Variants in GRID2 observed in about 807,000 individuals in gnomAD.
GRID2 encodes the protein glutamate ionotropic receptor delta type subunit 2, also known as glutamate receptor ionotropic, delta-2.
GRID2 carries 33 observed loss-of-function variants against 114.8 expected under a neutral mutation model. The observed-to-expected ratio is 0.29, with a 90% CI of 0.22 to 0.38. The LOEUF (loss-of-function observed/expected upper bound fraction) is 0.38, where lower values mean the gene tolerates loss of function less well. GRID2 is among the 10% of genes least tolerant of loss of function. The pLI is 1.00. For synonymous variants in GRID2, 505 were observed against 449.9 expected (o/e 1.12, Z -1.55); for missense variants, 1,184 against 1,257.7 (o/e 0.94, Z 0.89).
rs188856340 is a variant in GRID2, at chr4:93,488,925, T to G, written c.1859-1714T>G. ...TCTCACTATACCTTGATTACTTAGT[T>G]AAAGGTCCTATCTCCAAATAACAAT... On this transcript the variant is annotated intron_variant, in intron 11 of 15. Transcript: ENST00000282020. Among the ~76,000 whole-genome samples the G allele has an allele frequency of 2.6e-3, 392 of 152,058 alleles. 2 individuals carry two copies. The highest frequency in any genetic ancestry group is 4.3e-3 in the Non-Finnish European group (292 of 67,912).
intron 1 of GRID2, among the ~76,000 whole-genome samples, chr4:92,412,069 A>T (rs1731364379): frequency 6.6e-6 from 1 of 151,454 alleles, no homozygotes; most frequent in Admixed American, 6.6e-5. Flanking sequence ...TTTACTATAC[A>T]TTTTTATTTT....
intron 2 of GRID2, among the ~76,000 whole-genome samples, chr4:92,721,599 CTA>C (rs1202997208): frequency 6.6e-6 from 1 of 151,956 alleles, no homozygotes; most frequent in Non-Finnish European, 1.5e-5. Context: ...TCTAAATCAA[CTA>C]TATAAGGAGT....
chr4:93,176,912 T>C (rs1739394873), intron 4 of GRID2, among the ~76,000 whole-genome samples: 1 of 152,186 alleles, frequency 6.6e-6, no homozygotes, highest in Admixed American at 6.5e-5. Flanking sequence ...GAAATCCATG[T>C]GTATTTCCGG....
intron 2 of GRID2, among the ~76,000 whole-genome samples, chr4:92,943,371 C>T (rs994329605): frequency 5.9e-5 from 9 of 152,144 alleles, no homozygotes; most frequent in Non-Finnish European, 1.0e-4. Flanking sequence ...TTGATCGCGT[C>T]GGCTACTGAG....
chr4:93,561,900 G>A (rs1734959287), intron 13 of GRID2, among the ~76,000 whole-genome samples: 1 of 152,062 alleles, frequency 6.6e-6, no homozygotes, highest in Non-Finnish European at 1.5e-5. Context: ...TTATCTGGAT[G>A]TACAACAGTT....
At chr4:93,733,704 G>A (rs547145590) in intron 14 of GRID2, among the ~76,000 whole-genome samples, 34 of 151,984 alleles carry the variant, frequency 2.2e-4, no homozygotes, top group Admixed American at 1.8e-3. Context: ...AATATCAATC[G>A]TGATCAAAAA....
chr4:93,322,967 C>T (rs2117128), intron 8 of GRID2, among the ~76,000 whole-genome samples: 109,040 of 152,008 alleles, frequency 0.72, 40,488 homozygotes, highest in African/African-American at 0.92. Flanking sequence ...GATGAGTAGA[C>T]TGCAAAAATT....
At chr4:93,696,550 T>C (rs1384805147) in intron 14 of GRID2, among the ~76,000 whole-genome samples, 1 of 152,150 alleles carries the variant, frequency 6.6e-6, no homozygotes, top group East Asian at 1.9e-4. Flanking sequence ...TGAAAGAAAC[T>C]AAAATCTTTT....
chr4:92,996,848 T>G (rs556885318), intron 2 of GRID2, among the ~76,000 whole-genome samples: 1 of 152,260 alleles, frequency 6.6e-6, no homozygotes, highest in South Asian at 2.1e-4. Context: ...TGCATTATGC[T>G]TCTCCAGTTG....
chr4:93,238,695 A>G (rs1747109016), intron 8 of GRID2, among the ~76,000 whole-genome samples: 1 of 151,778 alleles, frequency 6.6e-6, no homozygotes, highest in South Asian at 2.1e-4. Flanking sequence ...CCGACTTAGA[A>G]TAATGTAAAG....
In GRID2 at chr4:92,975,156, C is replaced by CAAAAAAAAA. The variant is rs527770693; in HGVS notation, c.245-109826_245-109818dup. ...TGGGCGACAGAGTGAGATTCCGCCT[C>CAAAAAAAAA]AAAAAAAAAAAAAAAAAAAAAGGTG... On this transcript the variant is annotated intron_variant, in intron 2 of 15. Transcript: ENST00000282020. Among the ~76,000 whole-genome samples, 9 of 46,674 alleles carry CAAAAAAAAA rather than the reference C, an allele frequency of 1.9e-4. 1 individual carries two copies. The highest frequency in any genetic ancestry group is 3.9e-4 in the African/African-American group (4 of 10,194). 30.6% of individuals were successfully genotyped at this position (46,674 alleles called of 152,430 possible). A position where few individuals can be genotyped will look rare whatever the true frequency, so the allele number is the denominator to read the frequency against.
chr4:92,932,828 A>G (rs377425559), intron 2 of GRID2, among the ~76,000 whole-genome samples: 1 of 151,394 alleles, frequency 6.6e-6, no homozygotes, highest in East Asian at 1.9e-4. Context: ...TATCATATAT[A>G]TGGTATATTC....
intron 11 of GRID2, among the ~76,000 whole-genome samples, chr4:93,468,644 G>C (rs1392597730): frequency 6.6e-6 from 1 of 152,048 alleles, no homozygotes; most frequent in Non-Finnish European, 1.5e-5. Context: ...TTTAGTAGGA[G>C]GTGAGGACAG....
intron 14 of GRID2, among the ~76,000 whole-genome samples, chr4:93,667,190 A>G (rs918211800): frequency 6.6e-6 from 1 of 152,032 alleles, no homozygotes; most frequent in Non-Finnish European, 1.5e-5. Context: ...AGAGGTGTGC[A>G]TGGATTTTTG....
intron 1 of GRID2, among the ~76,000 whole-genome samples, chr4:92,530,917 G>T (rs1464973341): frequency 6.6e-6 from 1 of 151,536 alleles, no homozygotes; most frequent in South Asian, 2.1e-4. Flanking sequence ...GGCGGGGGGG[G>T]AGAAAGAGGT....
chr4:92,861,108 C>A (rs949590449), intron 2 of GRID2, among the ~76,000 whole-genome samples: 2 of 152,016 alleles, frequency 1.3e-5, no homozygotes, highest in African/African-American at 4.8e-5. Context: ...TATGGCTCTA[C>A]CAACTTTAAT....
chr4:93,594,794 C>T (rs1033007750), intron 13 of GRID2, among the ~76,000 whole-genome samples: 20 of 152,258 alleles, frequency 1.3e-4, no homozygotes, highest in African/African-American at 2.2e-4. Flanking sequence ...GCGCAGTATT[C>T]GGGTGGGAGT....
At chr4:92,331,358 C>T (rs555873615) in intron 1 of GRID2, among the ~76,000 whole-genome samples, 1 of 152,106 alleles carries the variant, frequency 6.6e-6, no homozygotes, top group African/African-American at 2.4e-5. Flanking sequence ...GCACTTAGCC[C>T]GATCTGTCTT....
intron 4 of GRID2, among the ~76,000 whole-genome samples, chr4:93,136,333 T>C (rs2149381126): frequency 6.6e-6 from 1 of 151,914 alleles, no homozygotes; most frequent in Admixed American, 6.6e-5. Flanking sequence ...GTCCTTGCTT[T>C]AATGGTAAGA....
Sources: gnomAD v4.1 joint callset for allele counts (sites outside exome capture counted in the v4.1 genomes callset) on GRCh38, gnomAD v4.1.1 for gene constraint, MANE v1.5 for transcripts, NCBI Gene and HGNC (gene_info 2026-07-23, HGNC 2026-07-21) for gene names.